The following ITSN1 variants were observed in gnomAD, a reference collection of about 807,000 sequenced individuals.
ITSN1 encodes intersectin 1.
Under a neutral mutation model 239.8 loss-of-function variants are expected in ITSN1, and 58 were observed. The ratio of observed to expected loss-of-function variants is 0.24; its 90% CI spans 0.20 to 0.30. The LOEUF is 0.30. ITSN1 is among the 10% of genes least tolerant of loss of function. The pLI is 1.00. For synonymous variants in ITSN1, 780 were observed against 770.8 expected (o/e 1.01, Z -0.20); for missense variants, 1,558 against 2,103.3 (o/e 0.74, Z 5.07).
chr21:33,788,525 G>C (rs1487216472), intron 16 of ITSN1, among the ~76,000 whole-genome samples: 1 of 152,174 alleles, frequency 6.6e-6, no homozygotes, highest in Non-Finnish European at 1.5e-5. Context: ...GAGGTCAGGA[G>C]TTTGAGACCA....
intron 1 of ITSN1, among the ~76,000 whole-genome samples, chr21:33,672,517 C>T (rs1054179724): frequency 5.9e-5 from 9 of 152,124 alleles, no homozygotes; most frequent in Admixed American, 4.6e-4. Context: ...AACGCTTGTA[C>T]ACTGTTGGTG....
chr21:33,762,663 T>C (rs959600861), intron 9 of ITSN1, among the ~76,000 whole-genome samples: 21 of 152,190 alleles, frequency 1.4e-4, no homozygotes, highest in Middle Eastern at 3.4e-3. Flanking sequence ...CTTTTTTTCA[T>C]TCATTATTAT....
chr21:33,666,763 T>C (rs148351630), intron 1 of ITSN1, among the ~76,000 whole-genome samples: 25 of 152,332 alleles, frequency 1.6e-4, no homozygotes, highest in Middle Eastern at 3.4e-3. Flanking sequence ...TCAGGTTATT[T>C]TCATAGTAAT....
intron 14 of ITSN1, among the ~76,000 whole-genome samples, chr21:33,780,437 T>C (rs1319436084): frequency 6.6e-6 from 1 of 152,222 alleles, no homozygotes; most frequent in Non-Finnish European, 1.5e-5. Flanking sequence ...TCAGATCTGA[T>C]TTGTGTATTC....
intron 1 of ITSN1, among the ~76,000 whole-genome samples, chr21:33,705,522 C>A (rs981107963): frequency 1.3e-5 from 2 of 150,848 alleles, no homozygotes; most frequent in African/African-American, 4.9e-5. Flanking sequence ...CGAGTAGCTG[C>A]GACTACAGGT....
At chr21:33,774,932 A>T in intron 13 of ITSN1, 36 bp from the exon 14 acceptor site, 1 of 1,603,816 alleles carries the variant, frequency 6.2e-7, no homozygotes, top group South Asian at 1.1e-5. Flanking sequence ...ACCATTAAAA[A>T]CAGTAATAAT....
intron 11 of ITSN1, among the ~76,000 whole-genome samples, chr21:33,768,901 A>G (rs1339461216): frequency 2.0e-5 from 3 of 152,370 alleles, no homozygotes; most frequent in South Asian, 2.1e-4. Context: ...ATGTTAATAC[A>G]TGGTTCATAC....
In ITSN1 at chr21:33,797,429, A is replaced by G. The variant is rs2148043473; in HGVS notation, c.2003A>G (p.Asp668Gly). 1.2e-6 allele frequency: 2 copies of G among 1,614,088 alleles called. No homozygotes were observed. Among genetic ancestry groups the G allele is most frequent in the Middle Eastern group, 1.7e-4 (1 of 6,054 alleles). Residue 668 changes from aspartate (D) to glycine (G), a missense_variant, in exon 18 of 40, where the codon GAC (aspartate) becomes GGC (glycine). This residue lies in a region of ITSN1 where 982 missense variants were observed against 1,209.9 expected (regional missense o/e 0.81). Transcript: ENST00000381318. This position sits in a 1 kb window ranked among gnomAD's most constrained non-coding sequence, Gnocchi z 4.9. ...TGGCTGGAGCATGTGCAGCAGGAGG[A>G]CGAGCATCAGAGACCAAGAAAACTC... Reference protein sequence around the residue: ...KQWLEHVQQEDEHQRPRKLHE... With the variant: ...KQWLEHVQQEGEHQRPRKLHE...
chr21:33,829,003 T>G, intron 26 of ITSN1: 1 of 471,276 alleles, frequency 2.1e-6, no homozygotes, highest in Non-Finnish European at 4.4e-6. Context: ...AGAAAGAAAT[T>G]TGCCCTGCCA....
chr21:33,785,207 T>C (rs2256797), intron 16 of ITSN1, among the ~76,000 whole-genome samples: 29,299 of 152,178 alleles, frequency 0.19, 2,978 homozygotes, highest in Admixed American at 0.24. Flanking sequence ...ATCAGGATAC[T>C]AAATCTATAT....
intron 1 of ITSN1, among the ~76,000 whole-genome samples, chr21:33,691,975 G>A (rs1437094568): frequency 1.3e-5 from 2 of 152,246 alleles, no homozygotes; most frequent in East Asian, 3.8e-4. Context: ...GTTGCCGAAG[G>A]CAGGCCTAGA....
chr21:33,868,549 C>T (rs1031793048), intron 33 of ITSN1, among the ~76,000 whole-genome samples: 5 of 152,228 alleles, frequency 3.3e-5, no homozygotes, highest in Non-Finnish European at 7.4e-5. Flanking sequence ...CCTCCGCAGC[C>T]GCTGGCCCGG....
At chr21:33,694,587 G>C (rs1048735272) in intron 1 of ITSN1, among the ~76,000 whole-genome samples, 2 of 152,096 alleles carry the variant, frequency 1.3e-5, no homozygotes, top group Non-Finnish European at 1.5e-5. Context: ...TTGGGAGGCC[G>C]AGGCGGGCAG....
intron 1 of ITSN1, among the ~76,000 whole-genome samples, chr21:33,692,789 G>A (rs1441144334): frequency 6.8e-6 from 1 of 147,406 alleles, no homozygotes; most frequent in East Asian, 2.0e-4. Context: ...TTTTTTTTTC[G>A]AGACGGAGTT....
chr21:33,765,717 G>A (rs1211990602), intron 9 of ITSN1, among the ~76,000 whole-genome samples, 158 bp from the exon 10 acceptor site: 1 of 152,168 alleles, frequency 6.6e-6, no homozygotes, highest in African/African-American at 2.4e-5. Flanking sequence ...TTTTATCTTT[G>A]CAGCAGTATA....
intron 27 of ITSN1, among the ~76,000 whole-genome samples, chr21:33,830,777 G>T (rs542891632): frequency 1.3e-5 from 2 of 152,060 alleles, no homozygotes; most frequent in Non-Finnish European, 2.9e-5. Context: ...TAACTGTACT[G>T]TGGTTATATA....
chr21:33,792,098 A>G (rs745460739), intron 16 of ITSN1, among the ~76,000 whole-genome samples: 4 of 152,248 alleles, frequency 2.6e-5, no homozygotes, highest in Non-Finnish European at 5.9e-5. Context: ...ATCAGATCCC[A>G]AAACTAGAAG....
chr21:33,871,178 C>T (rs775906396), intron 33 of ITSN1, among the ~76,000 whole-genome samples: 11 of 149,688 alleles, frequency 7.3e-5, no homozygotes, highest in Non-Finnish European at 1.6e-4. Flanking sequence ...TGGGGAACAA[C>T]GTATATGTTC....
At chr21:33,644,430 A>T (rs1017905791) in intron 1 of ITSN1, among the ~76,000 whole-genome samples, 12 of 152,166 alleles carry the variant, frequency 7.9e-5, no homozygotes, top group African/African-American at 2.4e-4. Flanking sequence ...ATCTTTTTTT[A>T]AAAAAATGGT....
Sources: allele counts gnomAD v4.1 joint callset (sites outside exome capture counted in the v4.1 genomes callset), GRCh38; gene constraint gnomAD v4.1.1; regional missense constraint gnomAD v4.1.1; non-coding constraint Gnocchi (gnomAD v3.1); transcripts MANE v1.5; gene names NCBI Gene and HGNC (gene_info 2026-07-23, HGNC 2026-07-21).